PKHD1: variants seen among roughly 807,000 people sequenced by gnomAD.
PKHD1 encodes fibrocystin.
A neutral mutation model predicts 412.0 loss-of-function variants in PKHD1; 291 were observed. The observed-to-expected ratio is 0.71, with a 90% CI of 0.64 to 0.78. The LOEUF (loss-of-function observed/expected upper bound fraction) is 0.78. Among genes scored for constraint, PKHD1 ranks in the 30% least tolerant of loss-of-function variants. PKHD1 has a pLI of 0.00. For missense variants in PKHD1, 4,825 were observed against 4,950.7 expected (o/e 0.97, Z 0.76); for synonymous variants, 1,777 against 1,821.5 (o/e 0.98, Z 0.62).
intron 29 of PKHD1, among the ~76,000 whole-genome samples, chr6:52,031,083 T>C (rs1802966425): frequency 6.6e-6 from 1 of 152,252 alleles, no homozygotes; most frequent in African/African-American, 2.4e-5. Flanking sequence ...CAAAGATTTA[T>C]TGGTGCTTAC....
chr6:51,956,987 G>A (rs1791252338), intron 36 of PKHD1, among the ~76,000 whole-genome samples: 1 of 152,066 alleles, frequency 6.6e-6, no homozygotes, highest in Admixed American at 6.6e-5. Context: ...AATTTTTAAA[G>A]GAAATGGACC....
chr6:51,895,285 G>A (rs908928291), intron 43 of PKHD1, among the ~76,000 whole-genome samples: 2 of 152,064 alleles, frequency 1.3e-5, no homozygotes, highest in African/African-American at 4.8e-5. Context: ...TTTTTTTCAC[G>A]TATACCCAGT....
rs1332944383 is a variant in PKHD1, at chr6:52,017,638, A to C, written c.5381-9T>G. 2 of 1,607,292 alleles carry C rather than the reference A, an allele frequency of 1.2e-6. No individual in the cohort carries two copies. The highest frequency in any genetic ancestry group is 1.7e-6 in the Non-Finnish European group (2 of 1,174,738). ...CAGGAAGGCCAAGGACACTGCAGGA[A>C]ACAGTCACCATTAGGAAAGAACCAC... On this transcript the variant is annotated splice_polypyrimidine_tract_variant and intron_variant, in intron 33 of 66. Coordinates refer to ENST00000371117, the MANE Select transcript of PKHD1 (RefSeq NM_138694.4).
chr6:51,624,373 C>T (rs1766991141), intron 66 of PKHD1, among the ~76,000 whole-genome samples: 1 of 152,166 alleles, frequency 6.6e-6, no homozygotes, highest in Non-Finnish European at 1.5e-5. Flanking sequence ...AATTTCCAAA[C>T]ATAGTTTTGC....
intron 35 of PKHD1, among the ~76,000 whole-genome samples, chr6:51,988,324 T>A (rs1446494597): frequency 1.3e-5 from 2 of 152,192 alleles, no homozygotes; most frequent in African/African-American, 4.8e-5. Context: ...ACAAAATAAA[T>A]TTTTATTTTA....
At chr6:51,983,360 G>T (rs1795816014) in intron 35 of PKHD1, among the ~76,000 whole-genome samples, 1 of 152,118 alleles carries the variant, frequency 6.6e-6, no homozygotes, top group African/African-American at 2.4e-5. Context: ...GACAAGACTG[G>T]AAACAGCATA....
chr6:51,687,285 A>T (rs536164009), intron 60 of PKHD1, among the ~76,000 whole-genome samples: 2 of 150,664 alleles, frequency 1.3e-5, no homozygotes, highest in African/African-American at 4.8e-5. Flanking sequence ...GATGATAAAA[A>T]ATGAAAAAAA....
chr6:52,018,366 T>C (rs972280980), intron 33 of PKHD1, among the ~76,000 whole-genome samples: 6 of 152,220 alleles, frequency 3.9e-5, no homozygotes, highest in African/African-American at 1.4e-4. Context: ...TTTGTATTCC[T>C]ACCAGCCATA....
chr6:52,077,216 C>T (rs372094662), intron 5 of PKHD1, among the ~76,000 whole-genome samples: 84 of 152,214 alleles, frequency 5.5e-4, no homozygotes, highest in Middle Eastern at 3.4e-3. Context: ...GAGGTGAGAA[C>T]GAGGCAATCC....
chr6:51,742,865 G>A (rs1007062792), intron 60 of PKHD1, among the ~76,000 whole-genome samples: 3 of 152,140 alleles, frequency 2.0e-5, no homozygotes, highest in Non-Finnish European at 4.4e-5. Context: ...ATTTTAGATA[G>A]GGTGGTCAAG....
At chr6:51,883,914 C>G (rs1777787745) in intron 45 of PKHD1, among the ~76,000 whole-genome samples, 1 of 152,200 alleles carries the variant, frequency 6.6e-6, no homozygotes, top group African/African-American at 2.4e-5. Context: ...CCTTCTTTGA[C>G]TTCTTTGCCC....
chr6:51,775,799 TAC>T lies in PKHD1; in HGVS notation c.8554+7_8554+8del. On this transcript the variant is annotated splice_region_variant and intron_variant, in intron 54 of 66. Transcript: ENST00000371117. ...TTTATTTTTAATAAAAACTATATTA[TAC>T]TCTTACCAATTGTTCCTGGGTCAAT... The T allele has an allele frequency of 8.1e-7, 1 of 1,233,662 alleles. No homozygotes were observed. The highest frequency in any genetic ancestry group is 1.2e-6 in the Non-Finnish European group (1 of 835,710). The allele number at this position is 1,233,662 out of a possible 1,614,324, so 76.4% of individuals were successfully genotyped here. A position where few individuals can be genotyped will look rare whatever the true frequency, so the allele number is the denominator to read the frequency against.
At chr6:51,825,310 G>T (rs56135595) in intron 52 of PKHD1, among the ~76,000 whole-genome samples, 24,492 of 152,168 alleles carry the variant, frequency 0.16, 2,029 homozygotes, top group East Asian at 0.2. Flanking sequence ...CCAAGAAGTT[G>T]ATGGCCATGA....
intron 60 of PKHD1, chr6:51,721,079 A>G: frequency 1.0e-6 from 1 of 984,292 alleles, no homozygotes; most frequent in Non-Finnish European, 1.2e-6. Flanking sequence ...CTCAAATCAC[A>G]CTGTATCTGT....
In PKHD1 at chr6:52,065,056, G is replaced by T; in HGVS notation, c.881-6C>A. 1 of 1,522,348 alleles carries T rather than the reference G, an allele frequency of 6.6e-7. No individual in the cohort carries two copies. The highest frequency in any genetic ancestry group is 1.7e-4 in the Middle Eastern group (1 of 5,748). 94.3% of individuals were successfully genotyped at this position (1,522,348 alleles called of 1,614,324 possible). A position where few individuals can be genotyped will look rare whatever the true frequency, so the allele number is the denominator to read the frequency against. ...TCTAATATCACATGGAATGCCTAAA[G>T]CGAATTAAAGAAATTTATGTATGTG... On this transcript the variant is annotated splice_region_variant and splice_polypyrimidine_tract_variant and intron_variant, in intron 12 of 66. Coordinates refer to ENST00000371117, the MANE Select transcript of PKHD1 (RefSeq NM_138694.4).
At chr6:51,672,988 T>C (rs1034549527) in intron 60 of PKHD1, among the ~76,000 whole-genome samples, 2 of 152,200 alleles carry the variant, frequency 1.3e-5, no homozygotes, top group Non-Finnish European at 2.9e-5. Flanking sequence ...CTAACAGCAA[T>C]GGCTAACATT....
rs547070187 is a variant in PKHD1 at position 52,065,170 on chromosome 6, G to T, written c.881-120C>A. On this transcript the variant is annotated intron_variant, in intron 12 of 66. Coordinates refer to ENST00000371117, the MANE Select transcript of PKHD1 (RefSeq NM_138694.4). ...ATATATATATATATATATATATATA[G>T]AGAGAGAGAGAGAGAGAGAGAGAGA... 628 of 92,490 alleles carry T rather than the reference G, an allele frequency of 6.8e-3. 6 individuals carry two copies. Among genetic ancestry groups the T allele is most frequent in the Non-Finnish European group, 0.01 (473 of 45,188 alleles). 5.7% of individuals were successfully genotyped at this position (92,490 alleles called of 1,614,324 possible).
At chr6:51,710,297 T>C (rs1458896037) in intron 60 of PKHD1, among the ~76,000 whole-genome samples, 2 of 152,212 alleles carry the variant, frequency 1.3e-5, no homozygotes, top group Admixed American at 6.5e-5. Context: ...TTTATGGATA[T>C]AAATATGGAT....
chr6:52,055,561 C>T (rs1807581180), intron 19 of PKHD1, 26 bp downstream of exon 19: 1 of 1,613,568 alleles, frequency 6.2e-7, no homozygotes, highest in Non-Finnish European at 8.5e-7. Flanking sequence ...CCCACCTGAC[C>T]CAGAAGCACA....
Sources: allele counts gnomAD v4.1 joint callset (sites outside exome capture counted in the v4.1 genomes callset), GRCh38; gene constraint gnomAD v4.1.1; transcripts MANE v1.5; gene names NCBI Gene and HGNC (gene_info 2026-07-23, HGNC 2026-07-21).